COPA: variants seen among roughly 807,000 people sequenced by gnomAD.
The protein encoded by COPA is coat protein complex I subunit alpha, also known as coatomer subunit alpha.
A neutral mutation model predicts 158.7 loss-of-function variants in COPA; 10 were observed. The ratio of observed to expected loss-of-function variants is 0.06; its 90% CI spans 0.04 to 0.11. COPA has a LOEUF of 0.11. Among genes scored for constraint, COPA ranks in the 10% least tolerant of loss-of-function variants. COPA has a pLI of 1.00. For synonymous variants in COPA, 462 were observed against 542.8 expected (o/e 0.85, Z 2.07); for missense variants, 1,065 against 1,536.7 (o/e 0.69, Z 5.13).
At chr1:160,306,073 T>C (rs763650984) in intron 15 of COPA, 8 of 568,296 alleles carry the variant, frequency 1.4e-5, no homozygotes, top group Non-Finnish European at 2.2e-5. Flanking sequence ...GGAACTATGT[T>C]ATTAATCTCT....
rs1192517670 is a variant in COPA at position 160,289,271 on chromosome 1, A to C, written c.*886T>G. The C allele has an allele frequency of 6.6e-6, 1 of 152,214 alleles. No homozygotes were observed. The highest frequency in any genetic ancestry group is 2.4e-5 in the African/African-American group (1 of 41,446). The allele number at this position is 152,214 out of a possible 1,614,324, so 9.4% of individuals were successfully genotyped here. On this transcript the variant is annotated 3_prime_UTR_variant, in exon 33 of 33. Transcript: ENST00000241704. ...AGAGTGTCCAAGAAATAAATGGCCAAGTCAAGAAGCTCTCATAGAGATTTA... is the reference window on the plus strand; with the variant it reads ...AGAGTGTCCAAGAAATAAATGGCCACGTCAAGAAGCTCTCATAGAGATTTA...
rs564653374 is a variant in COPA, at chr1:160,289,013, C to T, written c.*1144G>A. On this transcript the variant is annotated 3_prime_UTR_variant, in exon 33 of 33. Coordinates refer to ENST00000241704, the MANE Select transcript of COPA (RefSeq NM_004371.4). ...TGAGATGGAGTCTCACTCTGTCGCC[C>T]AGGCTGGAGTGCGGTGGCGCGATCT... 6.6e-6 allele frequency among the ~76,000 whole-genome samples: 1 copy of T among 152,184 alleles called. No homozygotes were observed. The highest frequency in any genetic ancestry group is 2.1e-4 in the South Asian group (1 of 4,828).
chr1:160,328,043 T>C (rs73029414), intron 6 of COPA, among the ~76,000 whole-genome samples: 3,846 of 152,286 alleles, frequency 0.025, 200 homozygotes, highest in African/African-American at 0.088. Context: ...CCACAACAAT[T>C]TTAATTATCT....
Position 160,289,499 on chromosome 1 carries a change from C to G in COPA, c.*658G>C, listed in dbSNP as rs1396006426. On this transcript the variant is annotated 3_prime_UTR_variant, in exon 33 of 33. Coordinates refer to ENST00000241704, the MANE Select transcript of COPA (RefSeq NM_004371.4). Reference sequence around the variant, plus strand: ...ACCAAAATGTATTTATTACATCCTGCTCCTTTCTAGTTGACAGGAAAGAAA... The same window carrying G: ...ACCAAAATGTATTTATTACATCCTGGTCCTTTCTAGTTGACAGGAAAGAAA... The G allele has an allele frequency of 6.6e-6, 1 of 152,110 alleles. No homozygotes were observed. The allele number at this position is 152,110 out of a possible 1,614,324, so 9.4% of individuals were successfully genotyped here.
At chr1:160,336,181 A>G (rs1170166348) in intron 3 of COPA, among the ~76,000 whole-genome samples, 1 of 151,864 alleles carries the variant, frequency 6.6e-6, no homozygotes, top group Non-Finnish European at 1.5e-5. Flanking sequence ...CCCTGTCTCT[A>G]CAAAAATACA....
chr1:160,325,028 T>C (rs772822685), intron 7 of COPA, among the ~76,000 whole-genome samples: 2 of 152,194 alleles, frequency 1.3e-5, no homozygotes, highest in African/African-American at 4.8e-5. Flanking sequence ...TTACTAGATA[T>C]ATGTAGATTT....
chr1:160,322,989 GCACA>G (rs112126446), intron 8 of COPA, among the ~76,000 whole-genome samples: 124 of 145,382 alleles, frequency 8.5e-4, no homozygotes, highest in Middle Eastern at 7.0e-3. Flanking sequence ...ACGCGCACGT[GCACA>G]CACACACACA....
intron 1 of COPA, among the ~76,000 whole-genome samples, chr1:160,341,727 C>T (rs142870337): frequency 5.2e-4 from 79 of 152,048 alleles, no homozygotes; most frequent in African/African-American, 1.9e-3. Flanking sequence ...TCTTGCATTT[C>T]TTTCATTACT....
At chr1:160,315,597 A>G (rs1381542805) in intron 8 of COPA, among the ~76,000 whole-genome samples, 1 of 152,240 alleles carries the variant, frequency 6.6e-6, no homozygotes, top group Non-Finnish European at 1.5e-5. Context: ...CCTAAAGCCA[A>G]AGAGGAGGAA....
intron 17 of COPA, among the ~76,000 whole-genome samples, chr1:160,303,263 A>G (rs1488802681): frequency 6.6e-6 from 1 of 152,210 alleles, no homozygotes; most frequent in East Asian, 1.9e-4. Context: ...AAAATACCCT[A>G]ACGACTTTTA....
At chr1:160,320,080 A>G (rs1435275698) in intron 8 of COPA, among the ~76,000 whole-genome samples, 1 of 152,150 alleles carries the variant, frequency 6.6e-6, no homozygotes. Context: ...CAGACTATCA[A>G]TGAAACGAAA....
chr1:160,295,467 C>T (rs1420583429), intron 23 of COPA, among the ~76,000 whole-genome samples: 2 of 152,050 alleles, frequency 1.3e-5, no homozygotes, highest in Non-Finnish European at 2.9e-5. Flanking sequence ...TATAGTAAAA[C>T]CTAAGAAAAT....
chr1:160,326,703 C>T lies in COPA; in HGVS notation c.497-1051G>A, dbSNP rs542146170. On this transcript the variant is annotated intron_variant, in intron 6 of 32. Coordinates refer to ENST00000241704, the MANE Select transcript of COPA (RefSeq NM_004371.4). Reference sequence around the variant, plus strand: ...AGCCATGTAAAAAGTGTACTCATGCCTACTACTTGACTCTTGGACGAAGAA... The same window carrying T: ...AGCCATGTAAAAAGTGTACTCATGCTTACTACTTGACTCTTGGACGAAGAA... 3.3e-5 allele frequency among the ~76,000 whole-genome samples: 5 copies of T among 152,284 alleles called. No homozygotes were observed. In the South Asian group the frequency reaches 8.3e-4, roughly 25 times the overall value.
At chr1:160,327,973 T>TA (rs1430736387) in intron 6 of COPA, among the ~76,000 whole-genome samples, 1 of 152,238 alleles carries the variant, frequency 6.6e-6, no homozygotes, top group East Asian at 1.9e-4. Flanking sequence ...AATTATAATA[T>TA]ATCTCTTCTG....
chr1:160,330,526 T>G (rs1647461909), intron 6 of COPA, among the ~76,000 whole-genome samples: 1 of 152,080 alleles, frequency 6.6e-6, no homozygotes, highest in African/African-American at 2.4e-5. Flanking sequence ...TATCTAGAGG[T>G]TCTACTCTAC....
At chr1:160,326,729 C>T (rs1489923178) in intron 6 of COPA, among the ~76,000 whole-genome samples, 1 of 152,138 alleles carries the variant, frequency 6.6e-6, no homozygotes, top group Non-Finnish European at 1.5e-5. Flanking sequence ...GGACGAAGAA[C>T]AAGATAATTA....
chr1:160,293,902 T>A (rs563014000), intron 25 of COPA, among the ~76,000 whole-genome samples: 119 of 152,324 alleles, frequency 7.8e-4, no homozygotes, highest in Middle Eastern at 3.4e-3. Flanking sequence ...GTGATAGTTG[T>A]GGGAGAAGGC....
At position 160,337,721 on chromosome 1, in the gene COPA, AAAACAAAC is replaced by A. The variant is rs147699729; in HGVS notation, c.228+2180_228+2187del. ...GCAACAGAACAAGACTCCATCGCAA[AAAACAAAC>A]AAACAAACAAACAAACAAACAAAAA... On this transcript the variant is annotated intron_variant, in intron 3 of 32. Coordinates refer to ENST00000241704, the MANE Select transcript of COPA (RefSeq NM_004371.4). 1.3e-3 allele frequency among the ~76,000 whole-genome samples: 188 copies of A among 147,632 alleles called. 1 individual carries two copies. The highest frequency in any genetic ancestry group is 1.8e-3 in the Non-Finnish European group (117 of 65,960).
rs1474704915 is a variant in COPA, at chr1:160,323,530, C to T, written c.607G>A (p.Gly203Ser). ...TDAVVKHVLE[G>S]HDRGVNWAAF... ...GCCCAGTTTACTCCACGATCGTGAC[C>T]CTGTAGAAAAGAGTGGTTCTTCTAA... The change falls in exon 8 of 33, where the codon GGT (glycine) becomes AGT (serine). Residue 203 changes from glycine (G) to serine (S), a missense_variant and splice_region_variant. Physicochemically the swap from Gly to Ser is moderately conservative, Grantham distance 56. Transcript: ENST00000241704. The T allele has an allele frequency of 1.2e-6, 2 of 1,605,984 alleles. No homozygotes were observed. The highest frequency in any genetic ancestry group is 1.7e-6 in the Non-Finnish European group (2 of 1,175,304).
Sources: gnomAD v4.1 joint callset for allele counts (sites outside exome capture counted in the v4.1 genomes callset) on GRCh38, gnomAD v4.1.1 for gene constraint, MANE v1.5 for transcripts, NCBI Gene and HGNC (gene_info 2026-07-23, HGNC 2026-07-21) for gene names.